Variants in HIVEP3 observed in about 807,000 individuals in gnomAD.
HIVEP3 encodes the protein HIVEP zinc finger 3.
A neutral mutation model predicts 152.8 loss-of-function variants in HIVEP3; 49 were observed. That is an observed-to-expected ratio of 0.32 (90% CI 0.26 to 0.41). The LOEUF (loss-of-function observed/expected upper bound fraction) is 0.41. Ranked by LOEUF, HIVEP3 falls within the 10% of genes least tolerant of loss-of-function variation. The pLI is 1.00. For synonymous variants in HIVEP3, 1,269 were observed against 1,289.0 expected (o/e 0.98, Z 0.33); for missense variants, 2,790 against 3,103.3 (o/e 0.90, Z 2.40).
At chr1:41,755,085 G>A (rs1326806969) in intron 1 of HIVEP3, among the ~76,000 whole-genome samples, 2 of 152,234 alleles carry the variant, frequency 1.3e-5, no homozygotes, top group Non-Finnish European at 1.5e-5. Flanking sequence ...TCAAGAATGT[G>A]TGGTATTGGC....
chr1:41,877,693 T>C (rs1355999764), intron 1 of HIVEP3, among the ~76,000 whole-genome samples: 3 of 152,066 alleles, frequency 2.0e-5, no homozygotes, highest in Admixed American at 6.5e-5. Flanking sequence ...CAATGGTTCA[T>C]GTTAAAGGAG....
intron 1 of HIVEP3, among the ~76,000 whole-genome samples, chr1:41,747,157 G>T (rs1233895969): frequency 6.6e-6 from 1 of 152,234 alleles, no homozygotes; most frequent in Non-Finnish European, 1.5e-5. Context: ...AGAGAGGCAG[G>T]GGAGAGGGTA....
At chr1:41,710,552 C>T (rs1646497894) in intron 1 of HIVEP3, among the ~76,000 whole-genome samples, 1 of 152,136 alleles carries the variant, frequency 6.6e-6, no homozygotes, top group Admixed American at 6.5e-5. Context: ...ATGGCTGGTC[C>T]CCTGCGCCAA....
At chr1:41,974,363 C>G (rs907658201) in intron 1 of HIVEP3, among the ~76,000 whole-genome samples, 1 of 151,904 alleles carries the variant, frequency 6.6e-6, no homozygotes, top group Non-Finnish European at 1.5e-5. Context: ...CCTGTCCAAA[C>G]CCTTCCCTTC....
intron 1 of HIVEP3, among the ~76,000 whole-genome samples, chr1:42,016,949 A>C (rs1645526526): frequency 6.6e-6 from 1 of 152,194 alleles, no homozygotes; most frequent in Non-Finnish European, 1.5e-5. Context: ...AATAGTATGC[A>C]CATTTTAAAG....
intron 1 of HIVEP3, among the ~76,000 whole-genome samples, chr1:42,025,566 C>G (rs565901742): frequency 6.6e-6 from 1 of 152,134 alleles, no homozygotes; most frequent in African/African-American, 2.4e-5. Flanking sequence ...TTTCCCTGTA[C>G]GCTTTGTTAT....
chr1:42,001,348 A>C (rs1214800131), intron 1 of HIVEP3, among the ~76,000 whole-genome samples: 1 of 152,216 alleles, frequency 6.6e-6, no homozygotes, highest in African/African-American at 2.4e-5. Context: ...TAACAAATCC[A>C]GGTTAAAGAC....
chr1:41,583,939 C>T lies in HIVEP3; in HGVS notation c.859G>A (p.Glu287Lys). Reference sequence around the variant, plus strand: ...GGGTGACCAGAGGTGGCACTAGTCTCCTCTTCAGAATCTGTGCTTTCTCCC... The same window carrying T: ...GGGTGACCAGAGGTGGCACTAGTCTTCTCTTCAGAATCTGTGCTTTCTCCC... ...TEGESTDSEE[E>K]TSATSGHPAE... Residue 287 changes from glutamate (E) to lysine (K), a missense_variant, in exon 4 of 9, where the codon GAG (glutamate) becomes AAG (lysine). Glu to Lys is a moderately conservative substitution (Grantham distance 56). Around this residue, in one of 9 missense-constraint regions of HIVEP3, gnomAD observed 125 missense variants for 130.1 expected, o/e 0.96. Transcript: ENST00000372583. The surrounding 1 kb of genome is among the most constrained non-coding windows in gnomAD (Gnocchi z 6.9). 6.2e-7 allele frequency: 1 copy of T among 1,614,158 alleles called. No homozygotes were observed. The highest frequency in any genetic ancestry group is 1.1e-5 in the South Asian group (1 of 91,084).
At chr1:41,656,360 G>C (rs1286671269) in intron 2 of HIVEP3, among the ~76,000 whole-genome samples, 1 of 152,250 alleles carries the variant, frequency 6.6e-6, no homozygotes, top group African/African-American at 2.4e-5. Context: ...GGTTCAGACA[G>C]GGGAGGGAAC....
At chr1:41,546,556 C>T (rs1297161519) in intron 5 of HIVEP3, among the ~76,000 whole-genome samples, 2 of 152,186 alleles carry the variant, frequency 1.3e-5, no homozygotes, top group African/African-American at 4.8e-5. Flanking sequence ...AGCTGTGAGG[C>T]CTTGTAGAGT....
chr1:41,806,757 C>T (rs1223198752), intron 1 of HIVEP3, among the ~76,000 whole-genome samples: 1 of 152,138 alleles, frequency 6.6e-6, no homozygotes, highest in Non-Finnish European at 1.5e-5. Context: ...ACCACTCAGG[C>T]TCACCTGGGA....
chr1:41,888,769 G>A (rs149408280), intron 1 of HIVEP3, among the ~76,000 whole-genome samples: 34 of 80,064 alleles, frequency 4.2e-4, no homozygotes, highest in Admixed American at 6.2e-4. Context: ...TCACACATGC[G>A]CACCCCCACA....
intron 1 of HIVEP3, among the ~76,000 whole-genome samples, chr1:41,830,137 A>G (rs763350063): frequency 6.6e-5 from 10 of 152,238 alleles, no homozygotes; most frequent in Non-Finnish European, 1.0e-4. Context: ...GTATTTTTGT[A>G]CAATTCATCA....
At chr1:41,919,521 G>A (rs182292625), upstream of HIVEP3, among the ~76,000 whole-genome samples, 394 of 152,308 alleles carry the variant, frequency 2.6e-3, 1 homozygote, top group Non-Finnish European at 4.7e-3. Context: ...CGCATTCCAA[G>A]ACATACTTTC....
chr1:41,557,880 G>A (rs1643992564), intron 5 of HIVEP3, among the ~76,000 whole-genome samples: 1 of 152,182 alleles, frequency 6.6e-6, no homozygotes, highest in Non-Finnish European at 1.5e-5. Context: ...GGTGAGGCAT[G>A]GCGAGAACCC....
At chr1:41,732,872 G>A (rs1241994449) in intron 1 of HIVEP3, among the ~76,000 whole-genome samples, 2 of 152,146 alleles carry the variant, frequency 1.3e-5, no homozygotes, top group African/African-American at 4.8e-5. Flanking sequence ...GAGGGCAGAG[G>A]ACACCAGGTT....
intron 5 of HIVEP3, among the ~76,000 whole-genome samples, chr1:41,553,589 T>A (rs1485660191): frequency 6.6e-6 from 1 of 152,242 alleles, no homozygotes; most frequent in Non-Finnish European, 1.5e-5. Flanking sequence ...AGTTTCTTCC[T>A]AGCATCGATG....
chr1:41,692,262 T>A (rs1044962136), intron 2 of HIVEP3, among the ~76,000 whole-genome samples: 1 of 152,248 alleles, frequency 6.6e-6, no homozygotes, highest in African/African-American at 2.4e-5. Flanking sequence ...AAGGACACTA[T>A]GGACAGTTTT....
chr1:41,526,059 AG>A (rs1226951498), intron 5 of HIVEP3, among the ~76,000 whole-genome samples: 2 of 151,976 alleles, frequency 1.3e-5, no homozygotes, highest in Admixed American at 6.5e-5. Context: ...GAGGGGCAGG[AG>A]GTGGCTGGGA....
Sources: gnomAD v4.1 joint callset for allele counts (sites outside exome capture counted in the v4.1 genomes callset) on GRCh38, gnomAD v4.1.1 for gene constraint, gnomAD v4.1.1 regional missense constraint, Gnocchi (gnomAD v3.1) non-coding constraint, MANE v1.5 for transcripts, NCBI Gene and HGNC (gene_info 2026-07-23, HGNC 2026-07-21) for gene names.